Variants in AK5 observed in about 807,000 individuals in gnomAD.
AK5 encodes adenylate kinase isoenzyme 5.
AK5 carries 27 observed loss-of-function variants against 69.5 expected under a neutral mutation model. The observed-to-expected ratio is 0.39, with a 90% CI of 0.29 to 0.54. The LOEUF is 0.54. Ranked by LOEUF, AK5 falls within the 20% of genes least tolerant of loss-of-function variation. The pLI is 0.71. For synonymous variants in AK5, 260 were observed against 244.4 expected (o/e 1.06, Z -0.60); for missense variants, 531 against 700.4 (o/e 0.76, Z 2.73).
At chr1:77,526,745 A>G (rs575824570) in intron 12 of AK5, among the ~76,000 whole-genome samples, 74 of 150,478 alleles carry the variant, frequency 4.9e-4, no homozygotes, top group Admixed American at 2.1e-3. Context: ...AAGTGCTGGG[A>G]TTACAGGCTT....
At position 77,293,835 on chromosome 1, in the gene AK5, G is replaced by T; in HGVS notation, c.290G>T (p.Arg97Leu). 1 of 1,611,476 alleles carries T rather than the reference G, an allele frequency of 6.2e-7. No individual in the cohort carries two copies. The highest frequency in any genetic ancestry group is 1.1e-5 in the South Asian group (1 of 90,302). ...AACTTTCCATATCGGCGGTATGACC[G>T]GCTCCCTCCAATCCATCAATTCTCC... Reference protein sequence around the residue: ...NSNFPYRRYDRLPPIHQFSIE... With the variant: ...NSNFPYRRYDLLPPIHQFSIE... The change falls in exon 3 of 14, where the codon CGG (arginine) becomes CTG (leucine). Residue 97 changes from arginine to leucine, a missense_variant. Transcript: ENST00000354567.
intron 6 of AK5, among the ~76,000 whole-genome samples, chr1:77,350,797 A>G (rs1174745005): frequency 6.6e-6 from 1 of 152,178 alleles, no homozygotes; most frequent in East Asian, 1.9e-4. Context: ...AAAGGAAAGG[A>G]GATAGGGAAG....
chr1:77,451,735 A>G (rs1471537148), intron 8 of AK5, among the ~76,000 whole-genome samples: 3 of 152,088 alleles, frequency 2.0e-5, no homozygotes, highest in Admixed American at 1.3e-4. Flanking sequence ...CTTCCTCTCA[A>G]CCATGCTTTT....
intron 6 of AK5, among the ~76,000 whole-genome samples, chr1:77,347,118 A>G (rs17379082): frequency 0.14 from 22,012 of 152,232 alleles, 1,778 homozygotes; most frequent in Middle Eastern, 0.23. Flanking sequence ...TTTAAAGGTT[A>G]ATAGGAAAGG....
chr1:77,442,525 C>A (rs971259415), intron 8 of AK5, among the ~76,000 whole-genome samples: 2 of 152,132 alleles, frequency 1.3e-5, no homozygotes, highest in African/African-American at 4.8e-5. Flanking sequence ...CTCCAGGTTC[C>A]CAGCTTATCC....
At chr1:77,364,427 G>T (rs556086187) in intron 6 of AK5, among the ~76,000 whole-genome samples, 22 of 152,172 alleles carry the variant, frequency 1.4e-4, no homozygotes, top group African/African-American at 5.1e-4. Flanking sequence ...ATATGCTATT[G>T]TTAACTATAG....
intron 5 of AK5, 23 bp from the exon 6 acceptor site, chr1:77,340,354 C>G: frequency 6.2e-7 from 1 of 1,601,564 alleles, no homozygotes; most frequent in South Asian, 1.1e-5. Flanking sequence ...GAATGCCTCT[C>G]TATTTGTTGA....
At chr1:77,551,387 T>G (rs944375518) in intron 13 of AK5, among the ~76,000 whole-genome samples, 2 of 152,166 alleles carry the variant, frequency 1.3e-5, no homozygotes, top group East Asian at 1.9e-4. Context: ...CTAGAAAGCC[T>G]TATCATTTGA....
In AK5 at chr1:77,410,293, T is replaced by G. The variant is rs548172954; in HGVS notation, c.892-688T>G. Among the ~76,000 whole-genome samples the G allele has an allele frequency of 2.6e-5, 4 of 152,114 alleles. No individual in the cohort carries two copies. The East Asian group carries it at 7.7e-4, about 29-fold the overall frequency. On this transcript the variant is annotated intron_variant, in intron 6 of 13. Coordinates refer to ENST00000354567, the MANE Select transcript of AK5 (RefSeq NM_174858.3). ...GGTTTTGTTGTTGTTGTTGTTGTTTTTGGAGACAGAGTCTCAGTCTGTCCC... is the reference window on the plus strand; with the variant it reads ...GGTTTTGTTGTTGTTGTTGTTGTTTGTGGAGACAGAGTCTCAGTCTGTCCC...
chr1:77,479,467 A>C (rs1269847135), intron 8 of AK5, among the ~76,000 whole-genome samples: 1 of 152,016 alleles, frequency 6.6e-6, no homozygotes, highest in Non-Finnish European at 1.5e-5. Context: ...TGGCCTCCCA[A>C]AGTGCTGGGA....
chr1:77,521,243 C>T (rs773204985), intron 11 of AK5, among the ~76,000 whole-genome samples: 22 of 151,946 alleles, frequency 1.4e-4, no homozygotes, highest in Non-Finnish European at 3.2e-4. Context: ...AAGCGATTCT[C>T]CTGCCTCAAC....
chr1:77,356,202 G>A (rs1662518254), intron 6 of AK5, among the ~76,000 whole-genome samples: 1 of 152,284 alleles, frequency 6.6e-6, no homozygotes, highest in Middle Eastern at 3.4e-3. Flanking sequence ...CAGAAATAAT[G>A]TGTAATGTCA....
chr1:77,331,689 G>A (rs1661094622), intron 5 of AK5, among the ~76,000 whole-genome samples: 1 of 151,864 alleles, frequency 6.6e-6, no homozygotes, highest in Non-Finnish European at 1.5e-5. Context: ...TTCTTCTAAT[G>A]TTGTTCTCAG....
intron 13 of AK5, among the ~76,000 whole-genome samples, chr1:77,552,929 A>T (rs928012021): frequency 2.2e-4 from 34 of 152,174 alleles, no homozygotes; most frequent in African/African-American, 7.5e-4. Flanking sequence ...AGTCTCAGCT[A>T]ATCAGGAGGC....
chr1:77,344,637 C>T (rs1438749405), intron 6 of AK5, among the ~76,000 whole-genome samples: 1 of 151,990 alleles, frequency 6.6e-6, no homozygotes, highest in Non-Finnish European at 1.5e-5. Flanking sequence ...TTTACAGTTC[C>T]AATAAAATGT....
At chr1:77,443,514 A>C (rs1652459233) in intron 8 of AK5, among the ~76,000 whole-genome samples, 1 of 152,176 alleles carries the variant, frequency 6.6e-6, no homozygotes, top group African/African-American at 2.4e-5. Context: ...CCATCCAGGA[A>C]GTATTTCTTC....
intron 8 of AK5, among the ~76,000 whole-genome samples, chr1:77,440,755 G>A (rs1309638292): frequency 6.8e-6 from 1 of 146,482 alleles, no homozygotes; most frequent in South Asian, 2.2e-4. Context: ...TTTTTTTTTT[G>A]TTGTTTTGTT....
Position 77,518,510 on chromosome 1 carries a change from A to T in AK5, c.1148-54A>T, listed in dbSNP as rs1034930252. 10 of 1,581,916 alleles carry T rather than the reference A, an allele frequency of 6.3e-6. No individual in the cohort carries two copies. The African/African-American group carries it at 1.2e-4, about 19-fold the overall frequency. ...CTTGCTCACCATGGTGACTACCATT[A>T]AAAATGAGGCACCAGACTTGGAATG... On this transcript the variant is annotated intron_variant, in intron 10 of 13. Coordinates refer to ENST00000354567, the MANE Select transcript of AK5 (RefSeq NM_174858.3).
intron 5 of AK5, among the ~76,000 whole-genome samples, chr1:77,333,061 C>G (rs1185580951): frequency 6.6e-6 from 1 of 151,834 alleles, no homozygotes; most frequent in African/African-American, 2.4e-5. Context: ...CTCTTTAGCT[C>G]TAGGTAATAC....
Sources: allele counts gnomAD v4.1 joint callset (sites outside exome capture counted in the v4.1 genomes callset), GRCh38; gene constraint gnomAD v4.1.1; transcripts MANE v1.5; gene names NCBI Gene and HGNC (gene_info 2026-07-23, HGNC 2026-07-21).